Variants in RABGAP1 observed in about 807,000 individuals in gnomAD.
RABGAP1 encodes RAB GTPase activating protein 1.
A neutral mutation model predicts 137.6 loss-of-function variants in RABGAP1; 23 were observed. The ratio of observed to expected loss-of-function variants is 0.17; its 90% CI spans 0.12 to 0.24. The LOEUF (loss-of-function observed/expected upper bound fraction) is 0.24, where lower values mean the gene tolerates loss of function less well. Among genes scored for constraint, RABGAP1 ranks in the 10% least tolerant of loss-of-function variants. The probability of loss-of-function intolerance (pLI) is 1.00; values close to 1 mark genes in which losing one functional copy is unlikely to be tolerated. For synonymous variants in RABGAP1, 451 were observed against 450.7 expected, an observed-to-expected ratio of 1.00 and a Z score of -0.01; for missense variants, 906 against 1,275.8, an observed-to-expected ratio of 0.71 and a Z score of 4.42.
chr9:122,948,402 A>G (rs1049505181), intron 1 of RABGAP1, among the ~76,000 whole-genome samples: 2 of 151,936 alleles, frequency 1.3e-5, no homozygotes, highest in Admixed American at 1.3e-4. Context: ...AAGTTCCACA[A>G]TTTTCTCTCT....
At chr9:123,069,698 T>G (rs537667046) in intron 14 of RABGAP1, among the ~76,000 whole-genome samples, 38 of 152,074 alleles carry the variant, frequency 2.5e-4, no homozygotes, top group African/African-American at 8.9e-4. Flanking sequence ...CTGGGCAACG[T>G]AGTTGAGATC....
the RABGAP1 span, among the ~76,000 whole-genome samples, chr9:122,933,347 T>A: frequency 6.6e-6 from 1 of 151,990 alleles, no homozygotes; most frequent in Non-Finnish European, 1.5e-5. Context: ...TCTTATAACC[T>A]TTTCAAATTT....
chr9:122,950,272 G>C (rs1333696823), intron 1 of RABGAP1, among the ~76,000 whole-genome samples: 1 of 151,876 alleles, frequency 6.6e-6, no homozygotes, highest in Non-Finnish European at 1.5e-5. Flanking sequence ...AATATATTTG[G>C]GATATGTTTT....
Position 122,984,635 on chromosome 9 carries a change from T to G in RABGAP1, c.301T>G (p.Ser101Ala). 6.2e-7 allele frequency: 1 copy of G among 1,614,186 alleles called. No individual in the cohort carries two copies. The highest frequency in any genetic ancestry group is 1.1e-5 in the South Asian group (1 of 91,086). The change falls in exon 3 of 26, where the codon TCC (serine) becomes GCC (alanine). Residue 101 changes from serine (S) to alanine (A), a missense_variant. This residue lies in a region of RABGAP1 where 331 missense variants were observed against 358.3 expected (regional missense o/e 0.92). Coordinates refer to ENST00000373647, the MANE Select transcript of RABGAP1 (RefSeq NM_012197.4). ...EGDGPLSNQL[S>A]ASSTINPVPL... is the part of the protein sequence containing the mutation. ...AGATGGGCCTCTTTCTAATCAGCTC[T>G]CCGCTTCATCCACCATTAACCCTGT...
rs971579010 is a variant in RABGAP1 at position 123,064,488 on chromosome 9, A to G, written c.1795-860A>G. Among the ~76,000 whole-genome samples, 6 of 152,234 alleles carry G rather than the reference A, an allele frequency of 3.9e-5. No individual in the cohort carries two copies. The East Asian group carries it at 7.7e-4, about 20-fold the overall frequency. The stretch of plus-strand genomic sequence containing the variant: ...GAGAAGAACATCACTTGCATTTTTC[A>G]TCTTAAAACAGAGGTATCATGTTCT... On this transcript the variant is annotated intron_variant, in intron 13 of 25. Coordinates refer to ENST00000373647, the MANE Select transcript of RABGAP1 (RefSeq NM_012197.4).
upstream of RABGAP1, chr9:122,939,026 A>G (rs1833439502): frequency 6.6e-6 from 1 of 152,232 alleles, no homozygotes; most frequent in African/African-American, 2.4e-5. Context: ...TAATTTGGGT[A>G]TACTGGTTGT....
intron 13 of RABGAP1, among the ~76,000 whole-genome samples, chr9:123,039,058 A>C (rs1165232554): frequency 6.6e-6 from 1 of 152,146 alleles, no homozygotes; most frequent in Non-Finnish European, 1.5e-5. Context: ...TACTTTGTAA[A>C]TTGTAAAGTG....
At chr9:122,936,615 C>A (rs1833391384), upstream of RABGAP1, among the ~76,000 whole-genome samples, 1 of 152,188 alleles carries the variant, frequency 6.6e-6, no homozygotes, top group South Asian at 2.1e-4. Flanking sequence ...GCGATACGAA[C>A]TTTGTCCTCC....
At chr9:122,944,598 C>G (rs1386425654) in intron 1 of RABGAP1, among the ~76,000 whole-genome samples, 1 of 151,178 alleles carries the variant, frequency 6.6e-6, no homozygotes, top group Non-Finnish European at 1.5e-5. Context: ...ACGATATCAG[C>G]TCACTGCATC....
intron 2 of RABGAP1, among the ~76,000 whole-genome samples, chr9:122,965,115 A>T (rs1279847389): frequency 6.6e-6 from 1 of 152,240 alleles, no homozygotes; most frequent in African/African-American, 2.4e-5. Flanking sequence ...CAACTGCTGA[A>T]TGGGTAAACA....
At chr9:123,051,292 G>T (rs535409950) in intron 13 of RABGAP1, among the ~76,000 whole-genome samples, 3 of 125,178 alleles carry the variant, frequency 2.4e-5, no homozygotes, top group Non-Finnish European at 4.8e-5. Context: ...TTACTGCCCA[G>T]GCTGGAGTGC....
At chr9:123,014,183 A>G (rs2031040753) in intron 11 of RABGAP1, among the ~76,000 whole-genome samples, 1 of 152,228 alleles carries the variant, frequency 6.6e-6, no homozygotes, top group Admixed American at 6.5e-5. Context: ...ATCTTAGTCC[A>G]TGTTTATTCT....
chr9:122,948,482 G>A (rs893231192), intron 1 of RABGAP1, among the ~76,000 whole-genome samples: 8 of 152,140 alleles, frequency 5.3e-5, no homozygotes, highest in Admixed American at 1.3e-4. Context: ...TACCCATCTG[G>A]CAAGGTGTGA....
chr9:123,074,955 G>A (rs1031289010), intron 17 of RABGAP1, among the ~76,000 whole-genome samples: 1 of 152,112 alleles, frequency 6.6e-6, no homozygotes, highest in African/African-American at 2.4e-5. Flanking sequence ...AGCTGCAAGG[G>A]AGACTTTTTA....
chr9:122,943,239 T>G (rs1429568202), intron 1 of RABGAP1, among the ~76,000 whole-genome samples: 3 of 152,030 alleles, frequency 2.0e-5, no homozygotes, highest in Non-Finnish European at 4.4e-5. Flanking sequence ...AGCTAATTTT[T>G]TGTATTTTTA....
chr9:122,990,769 C>CAAA (rs869120702), intron 6 of RABGAP1: 5 of 15,912 alleles, frequency 3.1e-4, no homozygotes, highest in African/African-American at 4.2e-4. Context: ...AACTCCGTCT[C>CAAA]AAAAAAAAAA....
intron 19 of RABGAP1, among the ~76,000 whole-genome samples, chr9:123,077,511 A>C (rs530553679): frequency 1.3e-5 from 2 of 152,274 alleles, no homozygotes; most frequent in South Asian, 4.1e-4. Flanking sequence ...TAATACATGA[A>C]GAAAACTCAG....
At chr9:123,057,946 G>T (rs2033804749) in intron 13 of RABGAP1, among the ~76,000 whole-genome samples, 1 of 152,196 alleles carries the variant, frequency 6.6e-6, no homozygotes, top group Non-Finnish European at 1.5e-5. Context: ...ACAGGCACTG[G>T]GCAGGCCGAG....
intron 1 of RABGAP1, among the ~76,000 whole-genome samples, chr9:122,952,896 G>T (rs1191397728): frequency 1.3e-5 from 2 of 152,002 alleles, no homozygotes; most frequent in African/African-American, 4.8e-5. Flanking sequence ...TATTTCAAAT[G>T]GATAATAATC....
Sources: gnomAD v4.1 joint callset for allele counts (sites outside exome capture counted in the v4.1 genomes callset) on GRCh38, gnomAD v4.1.1 for gene constraint, gnomAD v4.1.1 regional missense constraint, MANE v1.5 for transcripts, NCBI Gene and HGNC (gene_info 2026-07-23, HGNC 2026-07-21) for gene names.